KIRREL1: variants seen among roughly 807,000 people sequenced by gnomAD.
KIRREL1 encodes the protein kirre like nephrin family adhesion molecule 1.
In KIRREL1, 25 loss-of-function variants were observed where a neutral mutation model predicts 83.3. The observed-to-expected ratio is 0.30, with a 90% CI of 0.22 to 0.42. KIRREL1 has a LOEUF of 0.42. Among genes scored for constraint, KIRREL1 ranks in the 10% least tolerant of loss-of-function variants. KIRREL1 has a pLI of 1.00. For missense variants in KIRREL1, 812 were observed against 1,032.3 expected, an observed-to-expected ratio of 0.79 and a Z score of 2.92; for synonymous variants, 388 against 410.4, an observed-to-expected ratio of 0.95 and a Z score of 0.66.
Position 158,015,927 on chromosome 1 carries a change from A to G in KIRREL1, c.52+22199A>G, listed in dbSNP as rs916847704. On this transcript the variant is annotated intron_variant, in intron 1 of 14. Transcript: ENST00000359209. ...ATTTTTAATATCATTGACCGAATCT[A>G]TGTATGCTGCTTCAGATTTTCTATG... Among the ~76,000 whole-genome samples the G allele has an allele frequency of 2.0e-5, 3 of 152,168 alleles. No homozygotes were observed. In the East Asian group the frequency reaches 5.8e-4, roughly 29 times the overall value.
chr1:158,001,054 G>C (rs1037924461), intron 1 of KIRREL1, among the ~76,000 whole-genome samples: 1 of 152,180 alleles, frequency 6.6e-6, no homozygotes, highest in Non-Finnish European at 1.5e-5. Flanking sequence ...GTGCCCAGCA[G>C]GTTTATCCCA....
At chr1:158,051,242 T>G (rs1226963197) in intron 1 of KIRREL1, among the ~76,000 whole-genome samples, 1 of 152,192 alleles carries the variant, frequency 6.6e-6, no homozygotes, top group African/African-American at 2.4e-5. Context: ...TGCCTGTGCT[T>G]ATGCTGTTCC....
chr1:158,022,877 G>A (rs1452999359), intron 1 of KIRREL1, among the ~76,000 whole-genome samples: 3 of 152,110 alleles, frequency 2.0e-5, no homozygotes, highest in Non-Finnish European at 2.9e-5. Flanking sequence ...CTGCACACCC[G>A]CACACTCTTA....
chr1:158,056,389 G>A (rs1661058735), intron 1 of KIRREL1, among the ~76,000 whole-genome samples: 2 of 152,304 alleles, frequency 1.3e-5, no homozygotes, highest in Non-Finnish European at 2.9e-5. Flanking sequence ...CCTCCTCACA[G>A]GGCAGGGCAA....
At chr1:158,078,516 GC>G (rs1661752896) in intron 3 of KIRREL1, among the ~76,000 whole-genome samples, 1 of 152,140 alleles carries the variant, frequency 6.6e-6, no homozygotes, top group South Asian at 2.1e-4. Flanking sequence ...TGGTGAGGGG[GC>G]GTCTCCCTTC....
At chr1:158,059,046 T>C (rs934591812) in intron 1 of KIRREL1, among the ~76,000 whole-genome samples, 2 of 152,044 alleles carry the variant, frequency 1.3e-5, no homozygotes, top group Non-Finnish European at 2.9e-5. Context: ...TACAGAGCAG[T>C]TCCACACCCT....
At position 158,086,655 on chromosome 1, in the gene KIRREL1, G is replaced by A. The variant is rs979018258; in HGVS notation, c.570G>A (p.Thr190=). 4.1e-5 allele frequency: 63 copies of A among 1,551,820 alleles called. No individual in the cohort carries two copies. The Middle Eastern group carries it at 6.6e-4, about 16-fold the overall frequency. The change falls in exon 5 of 15, where the codon ACG becomes ACA. Residue 190 remains threonine, a synonymous_variant. Transcript: ENST00000359209. ...TGAGCCAACTGCTTATTAACCCCACGGACCTGGACATAGGGCGTGTCTTCA... is the reference window on the plus strand; with the variant it reads ...TGAGCCAACTGCTTATTAACCCCACAGACCTGGACATAGGGCGTGTCTTCA... ...TTVSQLLINP[T]DLDIGRVFTC... is the part of the protein sequence containing the mutation.
At chr1:158,019,712 A>G (rs1337664987) in intron 1 of KIRREL1, among the ~76,000 whole-genome samples, 1 of 152,070 alleles carries the variant, frequency 6.6e-6, no homozygotes, top group African/African-American at 2.4e-5. Context: ...GGCTTGTAGG[A>G]TCATTGCTGA....
chr1:158,036,567 C>T (rs906766777), intron 1 of KIRREL1, among the ~76,000 whole-genome samples: 4 of 152,072 alleles, frequency 2.6e-5, no homozygotes, highest in African/African-American at 4.8e-5. Flanking sequence ...TCAAGGAGAG[C>T]GGCAAGGTTC....
intron 1 of KIRREL1, among the ~76,000 whole-genome samples, chr1:158,060,097 C>T (rs1213101672): frequency 6.6e-6 from 1 of 152,196 alleles, no homozygotes; most frequent in Non-Finnish European, 1.5e-5. Flanking sequence ...TCTAAGGCTT[C>T]CTGGACTTAC....
intron 1 of KIRREL1, among the ~76,000 whole-genome samples, chr1:158,055,642 T>TTA (rs879676181): frequency 1.3e-5 from 2 of 152,202 alleles, no homozygotes; most frequent in African/African-American, 2.4e-5. Context: ...AGTCATGTAA[T>TTA]TATGAGCAGA....
intron 1 of KIRREL1, among the ~76,000 whole-genome samples, chr1:158,045,583 C>T (rs1052054411): frequency 6.6e-6 from 1 of 152,234 alleles, no homozygotes; most frequent in South Asian, 2.1e-4. Context: ...CTTCCGTGCC[C>T]TCTCCCTGTG....
chr1:158,010,639 G>A (rs183399669), intron 1 of KIRREL1, among the ~76,000 whole-genome samples: 28 of 152,178 alleles, frequency 1.8e-4, no homozygotes, highest in Middle Eastern at 6.8e-3. Context: ...ATAAACATTC[G>A]GCAGATTTCT....
chr1:158,044,042 G>A (rs1660710427), intron 1 of KIRREL1, among the ~76,000 whole-genome samples: 1 of 152,190 alleles, frequency 6.6e-6, no homozygotes, highest in African/African-American at 2.4e-5. Flanking sequence ...TCGGTGTTTT[G>A]GACATTCATT....
chr1:158,031,018 A>G (rs1660306247), intron 1 of KIRREL1: 2 of 152,242 alleles, frequency 1.3e-5, no homozygotes, highest in African/African-American at 4.8e-5. Context: ...GCCCAGTAGC[A>G]TCGAGGCTGC....
At chr1:158,014,610 G>A (rs530868518) in intron 1 of KIRREL1, among the ~76,000 whole-genome samples, 3 of 144,286 alleles carry the variant, frequency 2.1e-5, no homozygotes, top group Non-Finnish European at 3.0e-5. Flanking sequence ...TGCTTACTCC[G>A]GTCCCAGTCC....
chr1:158,071,377 C>T (rs542904659), intron 1 of KIRREL1, among the ~76,000 whole-genome samples: 3 of 152,296 alleles, frequency 2.0e-5, no homozygotes, highest in East Asian at 1.9e-4. Context: ...TGTGAGTGTG[C>T]GTGCCCTGGC....
chr1:158,072,790 G>A (rs536236158), intron 1 of KIRREL1, among the ~76,000 whole-genome samples: 8 of 152,236 alleles, frequency 5.3e-5, no homozygotes, highest in African/African-American at 1.4e-4. Context: ...ATGTGGTGGC[G>A]AGGGGGATGT....
At chr1:158,082,028 T>C (rs565929803) in intron 3 of KIRREL1, among the ~76,000 whole-genome samples, 29 of 152,260 alleles carry the variant, frequency 1.9e-4, no homozygotes, top group African/African-American at 6.3e-4. Context: ...CAGCTCTTTA[T>C]TCATTTCTCT....
Sources: gnomAD v4.1 joint callset for allele counts (sites outside exome capture counted in the v4.1 genomes callset) on GRCh38, gnomAD v4.1.1 for gene constraint, MANE v1.5 for transcripts, NCBI Gene and HGNC (gene_info 2026-07-23, HGNC 2026-07-21) for gene names.